Variants in MAP7 observed in about 807,000 individuals in gnomAD.
MAP7 encodes microtubule associated protein 7.
A neutral mutation model predicts 94.8 loss-of-function variants in MAP7; 52 were observed. The ratio of observed to expected loss-of-function variants is 0.55; its 90% CI spans 0.44 to 0.69. MAP7 has a LOEUF of 0.69. Among genes scored for constraint, MAP7 ranks in the 30% least tolerant of loss-of-function variants. The pLI is 0.00. For missense variants in MAP7, 940 were observed against 964.6 expected (o/e 0.97, Z 0.34); for synonymous variants, 350 against 357.0 (o/e 0.98, Z 0.22).
intron 1 of MAP7, among the ~76,000 whole-genome samples, chr6:136,468,992 G>T (rs1038106613): frequency 1.2e-3 from 171 of 146,816 alleles, no homozygotes; most frequent in African/African-American, 4.0e-3. Flanking sequence ...GTTTTTTGTT[G>T]TTTTTTTTTT....
intron 5 of MAP7, 129 bp from the exon 6 acceptor site, chr6:136,383,910 A>T: frequency 1.7e-6 from 1 of 604,802 alleles, no homozygotes; most frequent in Non-Finnish European, 2.9e-6. Flanking sequence ...ATAATAACAC[A>T]GTTTTCTAAG....
Position 136,345,665 on chromosome 6 carries a change from C to G in MAP7, c.2239+191G>C, listed in dbSNP as rs193182876. On this transcript the variant is annotated intron_variant, in intron 17 of 17. Transcript: ENST00000354570. Reference sequence around the variant, plus strand: ...GCACTGACTGAGAGAATAGGAGAGGCCTTAGAAGTTGTCCAATCCAACTCA... The same window carrying G: ...GCACTGACTGAGAGAATAGGAGAGGGCTTAGAAGTTGTCCAATCCAACTCA... 1.5e-4 allele frequency among the ~76,000 whole-genome samples: 23 copies of G among 152,302 alleles called. No homozygotes were observed. In the East Asian group the frequency reaches 3.5e-3, roughly 23 times the overall value.
chr6:136,525,861 T>C, intron 1 of MAP7: 1 of 1,535,678 alleles, frequency 6.5e-7, no homozygotes, highest in East Asian at 2.4e-5. Flanking sequence ...TCCATTCTTT[T>C]GCTGTTCGTC....
At position 136,359,190 on chromosome 6, in the gene MAP7, G is replaced by A. The variant is rs557830726; in HGVS notation, c.1912+630C>T. On this transcript the variant is annotated intron_variant, in intron 15 of 17. Transcript: ENST00000354570. ...AAATCAATAATCTCTTTCCAAAGCC[G>A]ATGGCATATCAGTAACTCTAATGAA... 2.6e-5 allele frequency among the ~76,000 whole-genome samples: 4 copies of A among 151,944 alleles called. No homozygotes were observed. The South Asian group carries it at 8.3e-4, about 32-fold the overall frequency.
At chr6:136,539,965 C>G (rs1473054101) in intron 1 of MAP7, among the ~76,000 whole-genome samples, 1 of 152,096 alleles carries the variant, frequency 6.6e-6, no homozygotes, top group East Asian at 1.9e-4. Context: ...GGCGACAGAG[C>G]GAGACCCTGT....
intron 5 of MAP7, among the ~76,000 whole-genome samples, chr6:136,387,149 C>A (rs1035020786): frequency 6.6e-6 from 1 of 151,988 alleles, no homozygotes; most frequent in African/African-American, 2.4e-5. Context: ...TATAAGAGAT[C>A]TATAGAATGT....
chr6:136,410,118 G>C (rs940242981), intron 3 of MAP7, among the ~76,000 whole-genome samples: 3 of 152,156 alleles, frequency 2.0e-5, no homozygotes, highest in African/African-American at 4.8e-5. Flanking sequence ...AAATGGAAAG[G>C]TGTGAGTTAA....
At chr6:136,542,283 A>G (rs1243781484) in intron 1 of MAP7, among the ~76,000 whole-genome samples, 1 of 152,128 alleles carries the variant, frequency 6.6e-6, no homozygotes, top group Non-Finnish European at 1.5e-5. Context: ...AACGAGACAA[A>G]CCCTAAAACT....
chr6:136,397,656 A>C (rs2128696827), intron 3 of MAP7, among the ~76,000 whole-genome samples: 1 of 152,296 alleles, frequency 6.6e-6, no homozygotes, highest in South Asian at 2.1e-4. Flanking sequence ...TGTGAGGACA[A>C]AGTGGCCCAC....
chr6:136,366,157 G>T (rs1424173899), intron 9 of MAP7, 139 bp from the exon 10 acceptor site: 1 of 1,079,376 alleles, frequency 9.3e-7, no homozygotes. Flanking sequence ...TACAGAAATA[G>T]AGTTGCTTTA....
chr6:136,461,654 T>C (rs993938971), intron 1 of MAP7, among the ~76,000 whole-genome samples: 1 of 152,232 alleles, frequency 6.6e-6, no homozygotes, highest in Non-Finnish European at 1.5e-5. Context: ...GGCATTATCT[T>C]TTAAAATGGA....
Position 136,473,989 on chromosome 6 carries a change from G to T in MAP7, c.68-52190C>A, listed in dbSNP as rs372212015. Among the ~76,000 whole-genome samples the T allele has an allele frequency of 2.4e-4, 37 of 151,964 alleles. 1 individual carries two copies. In the East Asian group the frequency reaches 5.2e-3, roughly 22 times the overall value. On this transcript the variant is annotated intron_variant, in intron 1 of 17. Transcript: ENST00000354570. ...AACAATATTGGGGGTGGGAGGAGGAGATGTTTGTGGGGGTGGTCAGGGAGG... is the reference window on the plus strand; with the variant it reads ...AACAATATTGGGGGTGGGAGGAGGATATGTTTGTGGGGGTGGTCAGGGAGG...
chr6:136,510,610 G>A (rs551852771), intron 1 of MAP7, among the ~76,000 whole-genome samples: 3 of 152,216 alleles, frequency 2.0e-5, no homozygotes, highest in African/African-American at 7.2e-5. Context: ...CGCTGGTTTT[G>A]CTTTCTGCAT....
chr6:136,461,309 CATT>C (rs1456907103), intron 1 of MAP7, among the ~76,000 whole-genome samples: 1 of 152,118 alleles, frequency 6.6e-6, no homozygotes, highest in Non-Finnish European at 1.5e-5. Flanking sequence ...ATGACTGAAA[CATT>C]ATTACTGAAT....
At chr6:136,420,967 C>T (rs542164260) in intron 2 of MAP7, among the ~76,000 whole-genome samples, 2 of 152,302 alleles carry the variant, frequency 1.3e-5, no homozygotes, top group East Asian at 3.9e-4. Flanking sequence ...TTTCCAAGAA[C>T]CTCATGGGGT....
intron 1 of MAP7, among the ~76,000 whole-genome samples, chr6:136,440,943 C>CGGCA (rs1341514244): frequency 1.3e-5 from 2 of 152,162 alleles, no homozygotes; most frequent in Non-Finnish European, 2.9e-5. Context: ...CAAGATCATG[C>CGGCA]GGCACCTCTC....
At chr6:136,423,664 G>C (rs917661357) in intron 1 of MAP7, among the ~76,000 whole-genome samples, 1 of 151,514 alleles carries the variant, frequency 6.6e-6, no homozygotes, top group Admixed American at 6.6e-5. Context: ...TTCAGGGTTT[G>C]GGGGAGATGA....
At chr6:136,426,093 T>C (rs1043681782) in intron 1 of MAP7, among the ~76,000 whole-genome samples, 1 of 152,206 alleles carries the variant, frequency 6.6e-6, no homozygotes, top group East Asian at 1.9e-4. Flanking sequence ...CCTGAAATAC[T>C]ATCTGTACAT....
intron 1 of MAP7, among the ~76,000 whole-genome samples, chr6:136,500,965 A>C (rs549317070): frequency 1.3e-5 from 2 of 152,294 alleles, no homozygotes; most frequent in East Asian, 3.9e-4. Context: ...CGGAAAAAAA[A>C]TACATCCACA....
Sources: allele counts gnomAD v4.1 joint callset (sites outside exome capture counted in the v4.1 genomes callset), GRCh38; gene constraint gnomAD v4.1.1; transcripts MANE v1.5; gene names NCBI Gene and HGNC (gene_info 2026-07-23, HGNC 2026-07-21).